The following NELL1 variants were observed in gnomAD, a reference collection of about 807,000 sequenced individuals.
The protein encoded by NELL1 is protein kinase C-binding protein NELL1.
In NELL1, 76 loss-of-function variants were observed where a neutral mutation model predicts 107.4. That is an observed-to-expected ratio of 0.71 (90% confidence interval 0.59 to 0.86). The LOEUF (loss-of-function observed/expected upper bound fraction) is 0.86, where lower values mean the gene tolerates loss of function less well. Ranked by LOEUF, NELL1 falls within the 40% of genes least tolerant of loss-of-function variation. The pLI is 0.00. For missense variants in NELL1, 1,024 were observed against 1,005.5 expected (o/e 1.02, Z -0.25); for synonymous variants, 353 against 341.2 (o/e 1.03, Z -0.38).
chr11:21,395,105 G>T (rs1354421205), intron 15 of NELL1, among the ~76,000 whole-genome samples: 2 of 151,440 alleles, frequency 1.3e-5, no homozygotes, highest in African/African-American at 2.4e-5. Flanking sequence ...CCTATGAAAA[G>T]TGTACAGAAA....
intron 13 of NELL1, among the ~76,000 whole-genome samples, chr11:21,171,426 CAT>C (rs777406594): frequency 8.6e-5 from 13 of 151,800 alleles, no homozygotes; most frequent in Non-Finnish European, 1.8e-4. Context: ...ACAAAATAAA[CAT>C]GTCTGTATAT....
In NELL1 at chr11:21,399,309, C is replaced by T. The variant is rs529937128; in HGVS notation, c.1645+28361C>T. ...ATCTAGGCATTTTGTCAAGTTGTGT[C>T]GGTGGTTGACAATCGCTTCAGTTGC... On this transcript the variant is annotated intron_variant, in intron 15 of 19. Coordinates refer to ENST00000357134, the MANE Select transcript of NELL1 (RefSeq NM_006157.5). Among the ~76,000 whole-genome samples, 28 of 151,404 alleles carry T rather than the reference C, an allele frequency of 1.8e-4. No individual in the cohort carries two copies. In the South Asian group the frequency reaches 4.8e-3, roughly 26 times the overall value.
intron 16 of NELL1, among the ~76,000 whole-genome samples, chr11:21,539,788 G>A (rs921808488): frequency 6.6e-6 from 1 of 151,442 alleles, no homozygotes; most frequent in Non-Finnish European, 1.5e-5. Flanking sequence ...GGGTGTGGTG[G>A]GCCAAAAGGC....
intron 13 of NELL1, among the ~76,000 whole-genome samples, chr11:21,143,246 A>G (rs1026487555): frequency 6.6e-6 from 1 of 152,210 alleles, no homozygotes; most frequent in Non-Finnish European, 1.5e-5. Flanking sequence ...GTGCAGCAGG[A>G]TGAACTTTTT....
intron 4 of NELL1, among the ~76,000 whole-genome samples, chr11:20,880,561 T>C (rs931377398): frequency 2.0e-5 from 3 of 152,230 alleles, no homozygotes; most frequent in African/African-American, 7.2e-5. Context: ...TATGTTGTTT[T>C]TGCTACACCA....
At chr11:21,011,929 A>G (rs1484952231) in intron 12 of NELL1, among the ~76,000 whole-genome samples, 1 of 152,144 alleles carries the variant, frequency 6.6e-6, no homozygotes, top group South Asian at 2.1e-4. Context: ...TTCTGGAGTT[A>G]TTTCTATCAC....
Position 21,196,888 on chromosome 11 carries a change from T to C in NELL1, c.1427-32444T>C, listed in dbSNP as rs185955282. Among the ~76,000 whole-genome samples the C allele has an allele frequency of 1.8e-3, 274 of 150,788 alleles. 2 individuals carry two copies. Among genetic ancestry groups the C allele is most frequent in the Middle Eastern group, 6.8e-3 (2 of 294 alleles). ...CTTTTTCTTTCTTTTCTTTTCTTTT[T>C]TTTTTTTTTTTCTCACTCTGTTGCC... On this transcript the variant is annotated intron_variant, in intron 13 of 19. Transcript: ENST00000357134.
At chr11:21,106,780 C>T (rs1276545777) in intron 12 of NELL1, among the ~76,000 whole-genome samples, 1 of 151,928 alleles carries the variant, frequency 6.6e-6, no homozygotes, top group Non-Finnish European at 1.5e-5. Context: ...TTGTTTTTCC[C>T]CCCTTGCTTT....
intron 5 of NELL1, among the ~76,000 whole-genome samples, chr11:20,916,898 G>A (rs11826164): frequency 0.015 from 2,208 of 152,022 alleles, 53 homozygotes; most frequent in African/African-American, 0.05. Flanking sequence ...AGCAACTGGG[G>A]CTCATAGAAG....
chr11:21,441,966 A>C (rs1853297028), intron 15 of NELL1, among the ~76,000 whole-genome samples: 1 of 152,212 alleles, frequency 6.6e-6, no homozygotes. Flanking sequence ...AATGCAGCAA[A>C]ATAACTTAAT....
chr11:21,382,179 C>A lies in NELL1; in HGVS notation c.1645+11231C>A, dbSNP rs554883720. 2.5e-3 allele frequency among the ~76,000 whole-genome samples: 387 copies of A among 151,922 alleles called. 4 individuals carry two copies. The highest frequency in any genetic ancestry group is 8.6e-3 in the African/African-American group (359 of 41,522). ...ACCTGGATTCTATTCTCCGATTCCA[C>A]TACTCATCAGCAATGTGAATAGGGA... On this transcript the variant is annotated intron_variant, in intron 15 of 19. Transcript: ENST00000357134.
intron 15 of NELL1, among the ~76,000 whole-genome samples, chr11:21,442,812 T>C (rs562819678): frequency 6.6e-6 from 1 of 152,196 alleles, no homozygotes; most frequent in African/African-American, 2.4e-5. Flanking sequence ...TTTACCTAAG[T>C]GAGGGGCAAG....
intron 12 of NELL1, among the ~76,000 whole-genome samples, chr11:21,003,939 G>A (rs1852276881): frequency 6.6e-6 from 1 of 152,050 alleles, no homozygotes. Flanking sequence ...CTAGATAATT[G>A]TGGAGTGATG....
chr11:21,298,881 TC>T (rs1428090499), intron 14 of NELL1, among the ~76,000 whole-genome samples: 1 of 151,862 alleles, frequency 6.6e-6, no homozygotes, highest in Non-Finnish European at 1.5e-5. Flanking sequence ...AAATCACCTT[TC>T]CCCCGAAAAA....
chr11:20,721,598 C>T (rs78217944), intron 2 of NELL1, among the ~76,000 whole-genome samples: 1,813 of 152,250 alleles, frequency 0.012, 34 homozygotes, highest in African/African-American at 0.041. Flanking sequence ...TAAGTCTTAT[C>T]GCCAAGCCTT....
intron 9 of NELL1, among the ~76,000 whole-genome samples, chr11:20,937,332 G>T (rs1850747529): frequency 6.6e-6 from 1 of 152,176 alleles, no homozygotes; most frequent in Non-Finnish European, 1.5e-5. Context: ...CCACTCCCAT[G>T]ATCACAAGGA....
chr11:21,140,015 G>A (rs2133770352), intron 13 of NELL1, among the ~76,000 whole-genome samples: 1 of 152,252 alleles, frequency 6.6e-6, no homozygotes, highest in African/African-American at 2.4e-5. Context: ...TGGGGAAACA[G>A]ATAATGATCT....
chr11:21,066,941 G>C (rs907435875), intron 12 of NELL1, among the ~76,000 whole-genome samples: 1 of 151,042 alleles, frequency 6.6e-6, no homozygotes, highest in Non-Finnish European at 1.5e-5. Flanking sequence ...GCGACAGAGC[G>C]AGACTCCATT....
intron 13 of NELL1, among the ~76,000 whole-genome samples, chr11:21,190,010 A>G (rs946292635): frequency 1.3e-5 from 2 of 151,750 alleles, no homozygotes; most frequent in African/African-American, 2.4e-5. Flanking sequence ...TGTTTTGTCA[A>G]TTCAATTCAC....
Sources: gnomAD v4.1 joint callset for allele counts (sites outside exome capture counted in the v4.1 genomes callset) on GRCh38, gnomAD v4.1.1 for gene constraint, MANE v1.5 for transcripts, NCBI Gene and HGNC (gene_info 2026-07-23, HGNC 2026-07-21) for gene names.